Variants in CAST observed in about 807,000 individuals in gnomAD.
CAST encodes the protein MIR583 host.
In CAST, 76 loss-of-function variants were observed where a neutral mutation model predicts 119.6. The ratio of observed to expected loss-of-function variants is 0.64; its 90% CI spans 0.53 to 0.77. CAST has a LOEUF of 0.77. Among genes scored for constraint, CAST ranks in the 30% least tolerant of loss-of-function variants. The probability of loss-of-function intolerance (pLI) is 0.00; values close to 1 mark genes in which losing one functional copy is unlikely to be tolerated. For missense variants in CAST, 953 were observed against 946.5 expected (o/e 1.01, Z -0.09); for synonymous variants, 319 against 331.6 (o/e 0.96, Z 0.41).
the CAST span, among the ~76,000 whole-genome samples, chr5:96,020,898 T>C: frequency 7.9e-6 from 1 of 126,388 alleles, no homozygotes; most frequent in Non-Finnish European, 1.5e-5. Flanking sequence ...ACCAAAAAGG[T>C]TGGGAACTGC....
intron 2 of CAST, among the ~76,000 whole-genome samples, chr5:96,689,745 G>A (rs73774388): frequency 6.6e-6 from 1 of 152,050 alleles, no homozygotes; most frequent in Non-Finnish European, 1.5e-5. Flanking sequence ...ACTAGTATCC[G>A]ATACTCATCA....
intron 1 of CAST, among the ~76,000 whole-genome samples, chr5:96,651,774 C>A (rs1404412991): frequency 9.9e-5 from 15 of 152,186 alleles, no homozygotes; most frequent in South Asian, 2.1e-4. Context: ...TCTATTACAC[C>A]TTTTACAAAA....
At chr5:96,536,207 A>C (rs1745811769) in intron 1 of CAST, among the ~76,000 whole-genome samples, 1 of 151,882 alleles carries the variant, frequency 6.6e-6, no homozygotes, top group Admixed American at 6.5e-5. Flanking sequence ...AAAATACAAA[A>C]AATTAGCCAG....
chr5:95,975,094 A>G, the CAST span, among the ~76,000 whole-genome samples: 1 of 152,212 alleles, frequency 6.6e-6, no homozygotes, highest in East Asian at 1.9e-4. Context: ...CAGCCTTCAC[A>G]GGATGGGCCA....
chr5:96,410,335 G>A, the CAST span, among the ~76,000 whole-genome samples: 1 of 152,122 alleles, frequency 6.6e-6, no homozygotes, highest in African/African-American at 2.4e-5. Flanking sequence ...AGGAGACATA[G>A]CTGGTGTAGA....
At chr5:96,709,830 A>T (rs1376162653) in intron 3 of CAST, among the ~76,000 whole-genome samples, 2 of 152,228 alleles carry the variant, frequency 1.3e-5, no homozygotes, top group Non-Finnish European at 2.9e-5. Flanking sequence ...TTTAAAAAAT[A>T]TCCTGGCAGC....
chr5:96,573,075 T>C (rs1364592271), intron 1 of CAST, among the ~76,000 whole-genome samples: 1 of 152,174 alleles, frequency 6.6e-6, no homozygotes, highest in Non-Finnish European at 1.5e-5. Context: ...GAAGGAGCAA[T>C]GCATGATGTA....
the CAST span, among the ~76,000 whole-genome samples, chr5:96,147,041 A>C: frequency 6.6e-6 from 1 of 152,154 alleles, no homozygotes; most frequent in Non-Finnish European, 1.5e-5. Flanking sequence ...AGCAAGCCCT[A>C]CCTGTCTCTA....
chr5:96,107,379 G>A, the CAST span, among the ~76,000 whole-genome samples: 1 of 152,026 alleles, frequency 6.6e-6, no homozygotes, highest in Non-Finnish European at 1.5e-5. Flanking sequence ...TCCTTTCCAT[G>A]TTTAGCACTT....
the CAST span, among the ~76,000 whole-genome samples, chr5:96,059,760 C>T: frequency 6.6e-6 from 1 of 152,122 alleles, no homozygotes; most frequent in African/African-American, 2.4e-5. Context: ...ACGACCTCCA[C>T]ATTGGTTCTT....
intron 3 of CAST, among the ~76,000 whole-genome samples, chr5:96,720,578 A>G (rs1463137644): frequency 2.6e-5 from 4 of 152,250 alleles, no homozygotes; most frequent in Non-Finnish European, 5.9e-5. Context: ...ACTTTCATGC[A>G]GTAATCTGTG....
rs138503954 is a variant in CAST at position 96,656,408 on chromosome 5, A to G, written c.61-19131A>G. On this transcript the variant is annotated intron_variant, in intron 1 of 11. Coordinates refer to the CAST transcript ENST00000505143. ...CTTTTGAGTGCAACTGGGCCTCACT[A>G]GAGAGTGCAGCTCATTAAGTGGAAG... Among the ~76,000 whole-genome samples the G allele has an allele frequency of 1.7e-3, 257 of 152,310 alleles. 3 individuals carry two copies. Among genetic ancestry groups the G allele is most frequent in the South Asian group, 3.3e-3 (16 of 4,824 alleles).
intron 1 of CAST, among the ~76,000 whole-genome samples, chr5:96,561,800 T>TTTTGTTTTTTTG (rs754529767): frequency 0.069 from 6,784 of 98,810 alleles, 741 homozygotes; most frequent in East Asian, 0.35. Context: ...TTTTTTGTTT[T>TTTTGTTTTTTTG]TTTTTTTTTT....
At chr5:96,302,461 C>T in the CAST span, among the ~76,000 whole-genome samples, 1 of 152,098 alleles carries the variant, frequency 6.6e-6, no homozygotes, top group Non-Finnish European at 1.5e-5. Context: ...ATGGGTTTTT[C>T]TTTTCTACCA....
chr5:96,762,415 G>A, intron 25 of CAST, 43 bp downstream of exon 25: 2 of 1,402,470 alleles, frequency 1.4e-6, no homozygotes. Context: ...TTTTTGCGCA[G>A]CCACAACTAG....
the CAST span, among the ~76,000 whole-genome samples, chr5:96,007,052 C>A: frequency 6.6e-6 from 1 of 152,190 alleles, no homozygotes; most frequent in Non-Finnish European, 1.5e-5. Context: ...CAGCTTCCCT[C>A]AATCACATAA....
At chr5:96,427,586 T>C in the CAST span, among the ~76,000 whole-genome samples, 8 of 152,276 alleles carry the variant, frequency 5.3e-5, no homozygotes, top group Admixed American at 1.3e-4. Context: ...TGTCTTGAGA[T>C]TCCACCCCTC....
At chr5:96,481,873 A>G in the CAST span, among the ~76,000 whole-genome samples, 1 of 152,196 alleles carries the variant, frequency 6.6e-6, no homozygotes, top group African/African-American at 2.4e-5. Context: ...GTATTATACC[A>G]ATAAAAAGTA....
chr5:96,364,227 T>G, the CAST span, among the ~76,000 whole-genome samples: 13 of 152,282 alleles, frequency 8.5e-5, no homozygotes, highest in African/African-American at 3.1e-4. Context: ...CTGCTGGATT[T>G]GGTTTGGCAG....
Sources: gnomAD v4.1 joint callset for allele counts (sites outside exome capture counted in the v4.1 genomes callset) on GRCh38, gnomAD v4.1.1 for gene constraint, MANE v1.5 for transcripts, NCBI Gene and HGNC (gene_info 2026-07-23, HGNC 2026-07-21) for gene names.